The following ACSS2 variants were observed in gnomAD, a reference collection of about 807,000 sequenced individuals.
ACSS2 encodes the protein acyl-CoA synthetase short chain family member 2, also known as acetyl-coenzyme A synthetase, cytoplasmic.
In ACSS2, 58 loss-of-function variants were observed where a neutral mutation model predicts 90.6. That is an observed-to-expected ratio of 0.64 (90% CI 0.52 to 0.80). The LOEUF is 0.80. Ranked by LOEUF, ACSS2 falls within the 30% of genes least tolerant of loss-of-function variation. The pLI is 0.00. For synonymous variants in ACSS2, 300 were observed against 330.9 expected (o/e 0.91, Z 1.01); for missense variants, 759 against 912.0 (o/e 0.83, Z 2.16).
At chr20:34,890,450 A>T (rs1407996115) in intron 2 of ACSS2, among the ~76,000 whole-genome samples, 3 of 152,154 alleles carry the variant, frequency 2.0e-5, no homozygotes, top group Non-Finnish European at 2.9e-5. Context: ...AGGGTGTTAG[A>T]GGTAGCTGAA....
At chr20:34,883,932 ATTGTT>A (rs1018584928) in intron 2 of ACSS2, among the ~76,000 whole-genome samples, 18 of 151,884 alleles carry the variant, frequency 1.2e-4, no homozygotes, top group Middle Eastern at 3.4e-3. Flanking sequence ...TTGTTTTTGT[ATTGTT>A]TTGTTTTGTT....
At chr20:34,899,416 T>TTCTTTCTTTCTTTCTTTC (rs1555882538) in intron 2 of ACSS2, among the ~76,000 whole-genome samples, 10 of 116,480 alleles carry the variant, frequency 8.6e-5, no homozygotes, top group African/African-American at 3.8e-4. Context: ...CTTTCTTTCT[T>TTCTTTCTTTCTTTCTTTC]TCTTTCTTTC....
intron 2 of ACSS2, among the ~76,000 whole-genome samples, chr20:34,911,003 T>C (rs1282091543): frequency 2.6e-5 from 4 of 152,076 alleles, no homozygotes; most frequent in African/African-American, 9.6e-5. Flanking sequence ...AAAACGATTT[T>C]TTTTTTTTTA....
chr20:34,889,915 G>A (rs191888305), intron 2 of ACSS2, among the ~76,000 whole-genome samples: 7 of 152,256 alleles, frequency 4.6e-5, no homozygotes, highest in Non-Finnish European at 7.4e-5. Context: ...TGCATGCAGC[G>A]GAAGTCGCAG....
intron 1 of ACSS2, among the ~76,000 whole-genome samples, chr20:34,880,031 C>A (rs1195568532): frequency 6.6e-6 from 1 of 151,554 alleles, no homozygotes; most frequent in African/African-American, 2.4e-5. Flanking sequence ...TAAATACTAG[C>A]TCTCATTTGC....
chr20:34,888,219 C>A (rs2080247029), intron 2 of ACSS2, among the ~76,000 whole-genome samples: 2 of 152,036 alleles, frequency 1.3e-5, no homozygotes, highest in South Asian at 2.1e-4. Context: ...GTCAGACTAA[C>A]CCAGTTTGAG....
At chr20:34,908,863 G>GAA in intron 2 of ACSS2, 1 of 378,512 alleles carries the variant, frequency 2.6e-6, no homozygotes, top group Non-Finnish European at 5.1e-6. Context: ...CTCCATCTTG[G>GAA]GAAAAAAAAA....
chr20:34,882,799 T>C lies in ACSS2; in HGVS notation c.184T>C (p.Trp62Arg). 2 of 1,612,094 alleles carry C rather than the reference T, an allele frequency of 1.2e-6. No homozygotes were observed. The highest frequency in any genetic ancestry group is 1.7e-6 in the Non-Finnish European group (2 of 1,179,426). The change falls in exon 2 of 18, where the codon TGG (tryptophan) becomes CGG (arginine). Residue 62 changes from tryptophan (W) to arginine (R), a missense_variant. Transcript: ENST00000360596. ...RRSVEEPREF[W>R]GDIAKEFYWK... The stretch of plus-strand genomic sequence containing the variant: ...GGCTTCCATTTCTGTTGCAGAATTC[T>C]GGGGAGACATTGCCAAGGAATTTTA...
upstream of ACSS2, among the ~76,000 whole-genome samples, chr20:34,876,188 C>T (rs2079902048): frequency 6.6e-6 from 1 of 152,088 alleles, no homozygotes; most frequent in Non-Finnish European, 1.5e-5. Context: ...TTATCTGTCA[C>T]TCCAAGACCC....
rs1436810816 is a variant in ACSS2, at chr20:34,921,948, A to G, written c.1548+82A>G. ...TACTTTGCTTTAGAGTTAATAACCT[A>G]ATCTCTCCTGGTAGCTGCTTAGGAC... On this transcript the variant is annotated intron_variant, in intron 13 of 17. Transcript: ENST00000360596. 7 of 1,537,342 alleles carry G rather than the reference A, an allele frequency of 4.6e-6. No individual in the cohort carries two copies. The East Asian group carries it at 1.6e-4, about 35-fold the overall frequency.
At chr20:34,897,758 G>C (rs2080501116) in intron 2 of ACSS2, among the ~76,000 whole-genome samples, 1 of 152,024 alleles carries the variant, frequency 6.6e-6, no homozygotes, top group Non-Finnish European at 1.5e-5. Flanking sequence ...GAACCCAGGA[G>C]ACGGAGGTTG....
upstream of ACSS2, chr20:34,876,602 C>T: frequency 7.7e-7 from 1 of 1,295,728 alleles, no homozygotes. Context: ...TCCCGGCACC[C>T]GCCGCGACCG....
intron 1 of ACSS2, among the ~76,000 whole-genome samples, chr20:34,879,125 C>T (rs555534525): frequency 5.9e-5 from 9 of 151,866 alleles, no homozygotes; most frequent in South Asian, 4.2e-4. Context: ...AGGATGGTCT[C>T]GATCTCCTGA....
intron 15 of ACSS2, 132 bp from the exon 16 acceptor site, chr20:34,925,973 C>A: frequency 1.9e-6 from 2 of 1,054,516 alleles, no homozygotes; most frequent in Non-Finnish European, 2.8e-6. Context: ...TGACTGAAAG[C>A]ATGTCATCTG....
intron 2 of ACSS2, among the ~76,000 whole-genome samples, chr20:34,894,934 G>A (rs183855770): frequency 3.8e-4 from 58 of 152,174 alleles, no homozygotes; most frequent in East Asian, 1.7e-3. Flanking sequence ...TGAGGATGTC[G>A]TTAGAAATCC....
intron 2 of ACSS2, among the ~76,000 whole-genome samples, chr20:34,898,199 T>G (rs1415567733): frequency 6.6e-6 from 1 of 152,096 alleles, no homozygotes; most frequent in Non-Finnish European, 1.5e-5. Context: ...AGAACAAAGC[T>G]TCCACAGTGT....
chr20:34,911,960 G>A (rs1319961049), intron 2 of ACSS2, among the ~76,000 whole-genome samples: 1 of 152,010 alleles, frequency 6.6e-6, no homozygotes, highest in East Asian at 1.9e-4. Context: ...TGGGATTACA[G>A]GCGTGTGCCA....
chr20:34,920,206 AT>A (rs1170359711), intron 8 of ACSS2, among the ~76,000 whole-genome samples: 3 of 152,288 alleles, frequency 2.0e-5, no homozygotes, highest in Non-Finnish European at 4.4e-5. Context: ...ATGGTGTGTA[AT>A]TGAGTGTGTG....
chr20:34,889,610 CTCTA>C (rs2146990168), intron 2 of ACSS2, among the ~76,000 whole-genome samples: 1 of 152,242 alleles, frequency 6.6e-6, no homozygotes, highest in South Asian at 2.1e-4. Context: ...TCTATTTAGG[CTCTA>C]TCTTTTATAT....
Sources: allele counts gnomAD v4.1 joint callset (sites outside exome capture counted in the v4.1 genomes callset), GRCh38; gene constraint gnomAD v4.1.1; transcripts MANE v1.5; gene names NCBI Gene and HGNC (gene_info 2026-07-23, HGNC 2026-07-21).